The following GABBR2 variants were observed in gnomAD, a reference collection of about 807,000 sequenced individuals.
The protein encoded by GABBR2 is G-protein coupled receptor 51.
In GABBR2, 23 loss-of-function variants were observed where a neutral mutation model predicts 105.6. That is an observed-to-expected ratio of 0.22 (90% CI 0.16 to 0.31). GABBR2 has a LOEUF of 0.31. Ranked by LOEUF, GABBR2 falls within the 10% of genes least tolerant of loss-of-function variation. The pLI is 1.00. For synonymous variants in GABBR2, 478 were observed against 499.7 expected (o/e 0.96, Z 0.58); for missense variants, 734 against 1,245.5 (o/e 0.59, Z 6.18).
At chr9:98,461,786 G>C (rs1253695600) in intron 6 of GABBR2, among the ~76,000 whole-genome samples, 1 of 152,162 alleles carries the variant, frequency 6.6e-6, no homozygotes, top group African/African-American at 2.4e-5. Flanking sequence ...TCTGCTTCTG[G>C]TAAGGGCCTC....
chr9:98,684,937 T>C (rs949618673), intron 1 of GABBR2, among the ~76,000 whole-genome samples: 1 of 152,216 alleles, frequency 6.6e-6, no homozygotes, highest in Non-Finnish European at 1.5e-5. Context: ...ATTGATGTGA[T>C]GGTTAATATT....
At chr9:98,702,695 C>T (rs1830846544) in intron 1 of GABBR2, among the ~76,000 whole-genome samples, 1 of 152,216 alleles carries the variant, frequency 6.6e-6, no homozygotes, top group Non-Finnish European at 1.5e-5. Context: ...ATGTCCATTT[C>T]CCAGAGCCTC....
chr9:98,652,056 G>A (rs1830116116), intron 1 of GABBR2, among the ~76,000 whole-genome samples: 1 of 152,188 alleles, frequency 6.6e-6, no homozygotes, highest in African/African-American at 2.4e-5. Flanking sequence ...GAAGCTGGGT[G>A]ATAGGTACAT....
intron 5 of GABBR2, among the ~76,000 whole-genome samples, chr9:98,476,988 G>T (rs978614875): frequency 6.6e-6 from 1 of 152,188 alleles, no homozygotes; most frequent in African/African-American, 2.4e-5. Context: ...CTGTGGAAAT[G>T]CCTCCAGGAC....
intron 9 of GABBR2, among the ~76,000 whole-genome samples, chr9:98,392,694 G>T (rs931830147): frequency 1.3e-5 from 2 of 152,166 alleles, no homozygotes; most frequent in African/African-American, 4.8e-5. Flanking sequence ...GGCACAGAAA[G>T]CCAGCTGTCC....
chr9:98,669,670 T>C (rs1830382022), intron 1 of GABBR2, among the ~76,000 whole-genome samples: 2 of 152,182 alleles, frequency 1.3e-5, no homozygotes. Flanking sequence ...CAAATCATTT[T>C]AGGAAAATGG....
chr9:98,382,096 ATC>A (rs1006657784), intron 11 of GABBR2, among the ~76,000 whole-genome samples: 26 of 152,152 alleles, frequency 1.7e-4, no homozygotes, highest in Admixed American at 1.6e-3. Flanking sequence ...TGCTGCAGGA[ATC>A]TCTGCAGTGA....
intron 1 of GABBR2, among the ~76,000 whole-genome samples, chr9:98,581,499 GAGGGAGGGAGGGAGGGAGGGAGAC>G (rs907771630): frequency 2.3e-5 from 3 of 132,446 alleles, no homozygotes; most frequent in Non-Finnish European, 3.3e-5. Flanking sequence ...GGAAGGAAGA[GAGGGAGGGAGGGAGGGAGGGAGAC>G]AGGGAGGGAG....
intron 1 of GABBR2, among the ~76,000 whole-genome samples, chr9:98,650,061 C>T (rs976200702): frequency 6.6e-6 from 1 of 152,190 alleles, no homozygotes; most frequent in African/African-American, 2.4e-5. Context: ...ATATGTTACT[C>T]ATTTGGAAAC....
chr9:98,479,918 C>T (rs1466076438), intron 5 of GABBR2, among the ~76,000 whole-genome samples: 1 of 152,176 alleles, frequency 6.6e-6, no homozygotes, highest in East Asian at 1.9e-4. Context: ...ACTTAGGCAG[C>T]TTCATTTGTT....
At chr9:98,308,167 G>A (rs1252089595) in intron 14 of GABBR2, among the ~76,000 whole-genome samples, 1 of 152,188 alleles carries the variant, frequency 6.6e-6, no homozygotes, top group African/African-American at 2.4e-5. Flanking sequence ...CCAGGAGGCG[G>A]AGGTTGCAGT....
intron 1 of GABBR2, among the ~76,000 whole-genome samples, chr9:98,587,120 A>G (rs1020736085): frequency 6.6e-6 from 1 of 152,120 alleles, no homozygotes; most frequent in Non-Finnish European, 1.5e-5. Context: ...TTGATATCAC[A>G]TTTCAATTTG....
chr9:98,401,221 T>C (rs2131520787), intron 8 of GABBR2, among the ~76,000 whole-genome samples: 1 of 152,262 alleles, frequency 6.6e-6, no homozygotes, highest in Middle Eastern at 3.4e-3. Flanking sequence ...TTAACTGAAA[T>C]GAAGGCTCAA....
At chr9:98,582,767 T>C (rs1249182201) in intron 1 of GABBR2, among the ~76,000 whole-genome samples, 1 of 152,222 alleles carries the variant, frequency 6.6e-6, no homozygotes, top group East Asian at 1.9e-4. Flanking sequence ...TTGTTTTTAA[T>C]GTCCTGACAT....
intron 1 of GABBR2, among the ~76,000 whole-genome samples, chr9:98,597,043 C>T (rs1054672609): frequency 6.6e-6 from 1 of 152,116 alleles, no homozygotes. Context: ...TGCTCAGTCT[C>T]CAGATACTCA....
At chr9:98,449,476 C>T (rs1826194669) in intron 7 of GABBR2, among the ~76,000 whole-genome samples, 1 of 152,162 alleles carries the variant, frequency 6.6e-6, no homozygotes, top group South Asian at 2.1e-4. Flanking sequence ...AAGCAATTCT[C>T]AGGTTGCTAT....
intron 2 of GABBR2, among the ~76,000 whole-genome samples, chr9:98,568,062 T>G (rs1292135569): frequency 6.6e-6 from 1 of 152,140 alleles, no homozygotes; most frequent in East Asian, 1.9e-4. Context: ...CCCCTGAAGA[T>G]CGGAGGGTGC....
At chr9:98,296,924 T>C (rs1341334172) in intron 17 of GABBR2, among the ~76,000 whole-genome samples, 1 of 152,160 alleles carries the variant, frequency 6.6e-6, no homozygotes, top group Non-Finnish European at 1.5e-5. Context: ...CCTTTTGTGA[T>C]TTCTGTTTTG....
intron 11 of GABBR2, among the ~76,000 whole-genome samples, chr9:98,381,004 T>A (rs532134539): frequency 6.6e-6 from 1 of 152,338 alleles, no homozygotes; most frequent in Non-Finnish European, 1.5e-5. Flanking sequence ...CTGAACCTGG[T>A]CTCATGGTCT....
Sources: allele counts gnomAD v4.1 joint callset (sites outside exome capture counted in the v4.1 genomes callset), GRCh38; gene constraint gnomAD v4.1.1; transcripts MANE v1.5; gene names NCBI Gene and HGNC (gene_info 2026-07-23, HGNC 2026-07-21).